The following NSD1 variants were observed in gnomAD, a reference collection of about 807,000 sequenced individuals.
NSD1 encodes nuclear receptor binding SET domain protein 1, also known as histone-lysine N-methyltransferase, H3 lysine-36 specific.
Under a neutral mutation model 242.7 loss-of-function variants are expected in NSD1, and 26 were observed. The observed-to-expected ratio is 0.11, with a 90% CI of 0.08 to 0.15. NSD1 has a LOEUF of 0.15. Ranked by LOEUF, NSD1 falls within the 10% of genes least tolerant of loss-of-function variation. The probability of loss-of-function intolerance (pLI) is 1.00; values close to 1 mark genes in which losing one functional copy is unlikely to be tolerated. For missense variants in NSD1, 2,495 were observed against 3,272.8 expected (o/e 0.76, Z 5.80); for synonymous variants, 1,106 against 1,178.1 (o/e 0.94, Z 1.25).
intron 2 of NSD1, among the ~76,000 whole-genome samples, chr5:177,187,100 C>CTTT (rs11285630): frequency 1.7e-4 from 13 of 76,518 alleles, no homozygotes; most frequent in African/African-American, 2.9e-4. Flanking sequence ...TGTGACTTAA[C>CTTT]TTTTTTTTTT....
At chr5:177,285,563 C>CAAAA (rs772293606) in intron 20 of NSD1, among the ~76,000 whole-genome samples, 3 of 81,898 alleles carry the variant, frequency 3.7e-5, no homozygotes, top group African/African-American at 4.9e-5. Context: ...GATTCCATCT[C>CAAAA]AAAAAAAAAA....
At chr5:177,185,803 A>T (rs867814562) in intron 2 of NSD1, among the ~76,000 whole-genome samples, 16 of 70,924 alleles carry the variant, frequency 2.3e-4, no homozygotes, top group East Asian at 1.0e-3. Flanking sequence ...ATATATATAT[A>T]TATAAATTTA....
chr5:177,260,131 G>T lies in NSD1; in HGVS notation c.5109G>T (p.Glu1703Asp). 1 of 1,614,044 alleles carries T rather than the reference G, an allele frequency of 6.2e-7. No individual in the cohort carries two copies. The highest frequency in any genetic ancestry group is 1.1e-5 in the South Asian group (1 of 91,080). ...FTPRRGCRNH[E>D]HVNVSWCFVC... ...CTAGGCGGGGCTGCCGAAATCATGAGCATGTTAATGTTAGCTGGTGCTTTG... is the reference window on the plus strand; with the variant it reads ...CTAGGCGGGGCTGCCGAAATCATGATCATGTTAATGTTAGCTGGTGCTTTG... Residue 1703 changes from glutamate (E) to aspartate (D), a missense_variant, in exon 14 of 23, where the codon GAG (glutamate) becomes GAT (aspartate). Physicochemically the swap from Glu to Asp is conservative, Grantham distance 45. Transcript: ENST00000439151.
At chr5:177,282,347 T>C (rs1015301536) in intron 18 of NSD1, 118 bp from the exon 19 acceptor site, 17 of 779,966 alleles carry the variant, frequency 2.2e-5, no homozygotes, top group Non-Finnish European at 4.0e-5. Context: ...CCTAAAATTA[T>C]ACTCATGTAA....
rs3733873 is a variant in NSD1 at position 177,134,112 on chromosome 5, T to C, written c.-18+160T>C. On this transcript the variant is annotated intron_variant, in intron 1 of 22. Transcript: ENST00000439151. This position sits in a 1 kb window ranked among gnomAD's most constrained non-coding sequence, Gnocchi z 4.2. ...GCCGGCGGCGCTGCAGCCGCCGGCC[T>C]CCTCCCCCTCCCCCTCCTCCATCAC... 0.33 allele frequency: 49,507 copies of C among 148,406 alleles called. 11,507 individuals carry two copies. Among genetic ancestry groups the C allele is most frequent in the African/African-American group, 0.66 (26,389 of 40,260 alleles). 9.2% of individuals were successfully genotyped at this position (148,406 alleles called of 1,614,324 possible).
chr5:177,281,959 G>A (rs1758929725), intron 18 of NSD1, among the ~76,000 whole-genome samples: 1 of 152,206 alleles, frequency 6.6e-6, no homozygotes, highest in Admixed American at 6.5e-5. Flanking sequence ...ATTTTAAATT[G>A]AGACTTGAAA....
rs748482803 is a variant in NSD1 at position 177,135,681 on chromosome 5, G to A, written c.578G>A (p.Cys193Tyr). ...IFEETQTNAT[C>Y]NYETKSENGV... The stretch of plus-strand genomic sequence containing the variant: ...GAGGAAACTCAGACCAATGCCACCT[G>A]CAATTATGAGACTAAATCAGAGAAT... The change falls in exon 2 of 23, where the codon TGC becomes TAC. Residue 193 changes from cysteine to tyrosine, a missense_variant. Coordinates refer to ENST00000439151, the MANE Select transcript of NSD1 (RefSeq NM_022455.5). 2 of 1,614,168 alleles carry A rather than the reference G, an allele frequency of 1.2e-6. No homozygotes were observed. Among genetic ancestry groups the A allele is most frequent in the Non-Finnish European group, 8.5e-7 (1 of 1,180,030 alleles).
At chr5:177,186,740 G>A (rs894464964) in intron 2 of NSD1, among the ~76,000 whole-genome samples, 1 of 152,146 alleles carries the variant, frequency 6.6e-6, no homozygotes, top group African/African-American at 2.4e-5. Context: ...TATAATGCCA[G>A]CACTTTGGGA....
At chr5:177,255,558 G>GA (rs1756362131) in intron 12 of NSD1, among the ~76,000 whole-genome samples, 2 of 151,864 alleles carry the variant, frequency 1.3e-5, no homozygotes, top group African/African-American at 4.8e-5. Context: ...GAGGTCTGTG[G>GA]TTTTTGTTTT....
At chr5:177,138,383 G>A (rs1307618470) in intron 2 of NSD1, among the ~76,000 whole-genome samples, 2 of 151,942 alleles carry the variant, frequency 1.3e-5, no homozygotes, top group African/African-American at 2.4e-5. Context: ...AGCCTCCCGA[G>A]TAGCTGGGAC....
chr5:177,174,226 G>A (rs187081970), intron 2 of NSD1, among the ~76,000 whole-genome samples: 2 of 152,218 alleles, frequency 1.3e-5, no homozygotes, highest in East Asian at 3.9e-4. Flanking sequence ...TTAGCAGGGC[G>A]TGGTGGTGCC....
chr5:177,145,494 G>T (rs1460174367), intron 2 of NSD1, among the ~76,000 whole-genome samples: 1 of 152,136 alleles, frequency 6.6e-6, no homozygotes, highest in East Asian at 1.9e-4. Flanking sequence ...ATGTTGCCCA[G>T]GCTGGTCTTG....
intron 11 of NSD1, among the ~76,000 whole-genome samples, 161 bp from the exon 12 acceptor site, chr5:177,251,569 C>T (rs1460550472): frequency 2.6e-5 from 4 of 152,222 alleles, no homozygotes; most frequent in Non-Finnish European, 5.9e-5. Flanking sequence ...CAATGGTACA[C>T]CTTTGTAACT....
At chr5:177,207,917 T>C (rs1477091601) in intron 4 of NSD1, among the ~76,000 whole-genome samples, 1 of 151,146 alleles carries the variant, frequency 6.6e-6, no homozygotes, top group Non-Finnish European at 1.5e-5. Flanking sequence ...TGTGTGTGTG[T>C]GTGTGCGTGT....
At position 177,209,763 on chromosome 5, in the gene NSD1, T is replaced by C. The variant is rs143585233; in HGVS notation, c.1364T>C (p.Met455Thr). Reference protein sequence around the residue: ...GSIKLDSEEDMPFEDCTNDPE... With the variant: ...GSIKLDSEEDTPFEDCTNDPE... ...ATCAAGTTGGACAGTGAAGAAGATATGCCATTTGAAGACTGCACAAATGAT... is the reference window on the plus strand; with the variant it reads ...ATCAAGTTGGACAGTGAAGAAGATACGCCATTTGAAGACTGCACAAATGAT... The change falls in exon 5 of 23, where the codon ATG becomes ACG. Residue 455 changes from methionine to threonine, a missense_variant. Met to Thr is a moderately conservative substitution (Grantham distance 81, BLOSUM62 -1). Around this residue, in one of 19 missense-constraint regions of NSD1, gnomAD observed 515 missense variants for 467.0 expected, o/e 1.10. Coordinates refer to ENST00000439151, the MANE Select transcript of NSD1 (RefSeq NM_022455.5). 1.3e-4 allele frequency: 207 copies of C among 1,613,978 alleles called. No individual in the cohort carries two copies. Among genetic ancestry groups the C allele is most frequent in the Non-Finnish European group, 1.6e-4 (186 of 1,180,000 alleles).
rs187473630 is a variant in NSD1 at position 177,187,043 on chromosome 5, G to T, written c.928-4841G>T. 4.2e-4 allele frequency among the ~76,000 whole-genome samples: 63 copies of T among 150,640 alleles called. No homozygotes were observed. The Middle Eastern group carries it at 0.01, about 25-fold the overall frequency. On this transcript the variant is annotated intron_variant, in intron 2 of 22. Transcript: ENST00000439151. ...ATTTATTTCTAATGCAAAAAACATG[G>T]TCTTTAGAGTTATTCAGATATGGAT...
chr5:177,235,953 G>T lies in NSD1; in HGVS notation c.3921+8G>T, dbSNP rs1283439162. On this transcript the variant is annotated splice_region_variant and intron_variant, in intron 6 of 22. Coordinates refer to ENST00000439151, the MANE Select transcript of NSD1 (RefSeq NM_022455.5). Reference sequence around the variant, plus strand: ...CAGGAGCAGGTGCACAAGGTATGTTGCAAAATTTCAGCAAACTTTCACTGG... The same window carrying T: ...CAGGAGCAGGTGCACAAGGTATGTTTCAAAATTTCAGCAAACTTTCACTGG... The T allele has an allele frequency of 1.9e-6, 3 of 1,613,676 alleles. No individual in the cohort carries two copies. Among genetic ancestry groups the T allele is most frequent in the Non-Finnish European group, 2.5e-6 (3 of 1,179,730 alleles).
At chr5:177,179,754 TTAAC>T (rs1158498698) in intron 2 of NSD1, among the ~76,000 whole-genome samples, 1 of 152,170 alleles carries the variant, frequency 6.6e-6, no homozygotes, top group Non-Finnish European at 1.5e-5. Flanking sequence ...GAGGAATTGA[TTAAC>T]TAATGATTAA....
chr5:177,277,387 G>A (rs747508096), intron 17 of NSD1, among the ~76,000 whole-genome samples: 2 of 152,072 alleles, frequency 1.3e-5, no homozygotes, highest in Non-Finnish European at 2.9e-5. Context: ...TATTACATAT[G>A]GCTGCTTTTA....
Sources: gnomAD v4.1 joint callset for allele counts (sites outside exome capture counted in the v4.1 genomes callset) on GRCh38, gnomAD v4.1.1 for gene constraint, gnomAD v4.1.1 regional missense constraint, Gnocchi (gnomAD v3.1) non-coding constraint, MANE v1.5 for transcripts, NCBI Gene and HGNC (gene_info 2026-07-23, HGNC 2026-07-21) for gene names.